SMYD3: variants seen among roughly 807,000 people sequenced by gnomAD.
SMYD3 encodes the protein SET and MYND domain containing 3, also known as histone-lysine N-methyltransferase SMYD3.
In SMYD3, 36 loss-of-function variants were observed where a neutral mutation model predicts 57.7. The observed-to-expected ratio is 0.62, with a 90% confidence interval of 0.48 to 0.82. SMYD3 has a LOEUF of 0.82. SMYD3 is among the 40% of genes least tolerant of loss of function. SMYD3 has a pLI of 0.00. For synonymous variants in SMYD3, 211 were observed against 195.0 expected (o/e 1.08, Z -0.68); for missense variants, 515 against 538.8 (o/e 0.96, Z 0.44).
chr1:246,310,078 A>G (rs2065049937), intron 5 of SMYD3, among the ~76,000 whole-genome samples: 1 of 152,128 alleles, frequency 6.6e-6, no homozygotes, highest in South Asian at 2.1e-4. Flanking sequence ...ATTATAAGCA[A>G]TGTTTTCAGG....
At chr1:245,874,830 C>T (rs369008112) in intron 8 of SMYD3, among the ~76,000 whole-genome samples, 6 of 152,272 alleles carry the variant, frequency 3.9e-5, no homozygotes, top group South Asian at 4.1e-4. Context: ...GAGATCTGTC[C>T]CTTGAAGCTG....
Position 245,861,348 on chromosome 1 carries a change from T to C in SMYD3, c.901+2451A>G, listed in dbSNP as rs373415535. Among the ~76,000 whole-genome samples, 58 of 152,252 alleles carry C rather than the reference T, an allele frequency of 3.8e-4. 1 individual carries two copies. The South Asian group carries it at 0.012, about 31-fold the overall frequency. ...ACAGATTCCTAGTGGACAGAACGGA[T>C]ATCTTTTTTTCCTGAATACTTTTAA... is the stretch of plus-strand genomic sequence containing the variant. On this transcript the variant is annotated intron_variant, in intron 9 of 11. Coordinates refer to ENST00000490107, the MANE Select transcript of SMYD3 (RefSeq NM_001167740.2).
intron 5 of SMYD3, among the ~76,000 whole-genome samples, chr1:246,149,839 C>G (rs2061914085): frequency 6.6e-6 from 1 of 152,192 alleles, no homozygotes; most frequent in Non-Finnish European, 1.5e-5. Context: ...CTATAAGACA[C>G]AAAACTTGCT....
At chr1:246,347,708 C>A (rs1558415626) in intron 2 of SMYD3, among the ~76,000 whole-genome samples, 1 of 152,144 alleles carries the variant, frequency 6.6e-6, no homozygotes, top group African/African-American at 2.4e-5. Context: ...TCTCCTGGCC[C>A]TTCCACCATG....
At chr1:245,812,642 C>T (rs1255499669) in intron 10 of SMYD3, among the ~76,000 whole-genome samples, 1 of 148,802 alleles carries the variant, frequency 6.7e-6, no homozygotes, top group Non-Finnish European at 1.5e-5. Flanking sequence ...CAAGAGAGAA[C>T]AGGCCCATGC....
chr1:246,330,338 C>T, intron 4 of SMYD3, 142 bp downstream of exon 4: 1 of 580,896 alleles, frequency 1.7e-6, no homozygotes, highest in Non-Finnish European at 2.8e-6. Context: ...ACCAGTGTGA[C>T]AGTTGTATAT....
chr1:246,317,309 C>T (rs539887127), intron 5 of SMYD3, among the ~76,000 whole-genome samples: 79 of 152,276 alleles, frequency 5.2e-4, no homozygotes, highest in Middle Eastern at 6.8e-3. Flanking sequence ...AAAGTATTTC[C>T]GATCCTTTTT....
At chr1:246,339,873 T>C (rs1357717248) in intron 2 of SMYD3, among the ~76,000 whole-genome samples, 1 of 152,214 alleles carries the variant, frequency 6.6e-6, no homozygotes, top group African/African-American at 2.4e-5. Flanking sequence ...TCTGCCATGC[T>C]AGGATGCAGC....
intron 8 of SMYD3, among the ~76,000 whole-genome samples, chr1:245,883,083 G>A (rs532460680): frequency 3.3e-5 from 5 of 152,274 alleles, no homozygotes; most frequent in Admixed American, 3.3e-4. Flanking sequence ...ATTTGAATCT[G>A]TCTGTTCAAT....
rs557581292 is a variant in SMYD3, at chr1:246,023,883, T to C, written c.532-93946A>G. ...CACCCAGTACTTAGTACACACCTAG[T>C]AGTTGTTAGCTACTATTTCAGAGAG... On this transcript the variant is annotated intron_variant, in intron 5 of 11. Transcript: ENST00000490107. 1.1e-4 allele frequency among the ~76,000 whole-genome samples: 17 copies of C among 150,468 alleles called. No individual in the cohort carries two copies. In the South Asian group the frequency reaches 3.6e-3, roughly 32 times the overall value.
At chr1:246,184,145 G>C (rs1462331715) in intron 5 of SMYD3, among the ~76,000 whole-genome samples, 1 of 152,208 alleles carries the variant, frequency 6.6e-6, no homozygotes, top group Admixed American at 6.5e-5. Flanking sequence ...AGTAAAGGCA[G>C]TAGGTAGAAA....
chr1:246,461,440 A>AT (rs2067796493), intron 1 of SMYD3, among the ~76,000 whole-genome samples: 1 of 152,242 alleles, frequency 6.6e-6, no homozygotes. Flanking sequence ...ACTTAGAACA[A>AT]TTTTAGTGCC....
intron 5 of SMYD3, chr1:245,955,894 T>A: frequency 2.1e-6 from 2 of 965,560 alleles, no homozygotes; most frequent in Non-Finnish European, 2.5e-6. Context: ...TTTTTTTGGC[T>A]CAACATTATA....
At chr1:245,791,475 C>A (rs2047263158) in intron 10 of SMYD3, among the ~76,000 whole-genome samples, 1 of 152,172 alleles carries the variant, frequency 6.6e-6, no homozygotes, top group Non-Finnish European at 1.5e-5. Context: ...TGCTAGTAAT[C>A]AAGGTTTACG....
At chr1:246,315,466 G>A (rs1572370286) in intron 5 of SMYD3, among the ~76,000 whole-genome samples, 1 of 152,162 alleles carries the variant, frequency 6.6e-6, no homozygotes, top group South Asian at 2.1e-4. Context: ...CTTCCATGAT[G>A]CACCAGAAAT....
At chr1:246,352,588 A>G (rs1221544048) in intron 2 of SMYD3, among the ~76,000 whole-genome samples, 1 of 152,216 alleles carries the variant, frequency 6.6e-6, no homozygotes, top group Non-Finnish European at 1.5e-5. Flanking sequence ...CTGTTATTAC[A>G]TATATCCTTC....
At chr1:246,303,366 G>A (rs886630633) in intron 5 of SMYD3, among the ~76,000 whole-genome samples, 2 of 152,086 alleles carry the variant, frequency 1.3e-5, no homozygotes, top group African/African-American at 4.8e-5. Flanking sequence ...TCCTCCCTCA[G>A]TATTGACTCT....
At chr1:246,237,355 A>G (rs2063529460) in intron 5 of SMYD3, among the ~76,000 whole-genome samples, 1 of 152,130 alleles carries the variant, frequency 6.6e-6, no homozygotes, top group Non-Finnish European at 1.5e-5. Flanking sequence ...TTTTTCTCCT[A>G]AAGATATTTT....
At chr1:245,977,285 G>C (rs2058469324) in intron 5 of SMYD3, among the ~76,000 whole-genome samples, 1 of 152,158 alleles carries the variant, frequency 6.6e-6, no homozygotes, top group Non-Finnish European at 1.5e-5. Flanking sequence ...GCTTGATCCA[G>C]CCTCTACCAC....
Sources: allele counts gnomAD v4.1 joint callset (sites outside exome capture counted in the v4.1 genomes callset), GRCh38; gene constraint gnomAD v4.1.1; transcripts MANE v1.5; gene names NCBI Gene and HGNC (gene_info 2026-07-23, HGNC 2026-07-21).